Variants in ARHGAP18 observed in about 807,000 individuals in gnomAD.
ARHGAP18 encodes the protein Rho GTPase activating protein 18.
In ARHGAP18, 67 loss-of-function variants were observed where a neutral mutation model predicts 86.2. The observed-to-expected ratio is 0.78, with a 90% confidence interval of 0.64 to 0.95. The LOEUF (loss-of-function observed/expected upper bound fraction) is 0.95, where lower values mean the gene tolerates loss of function less well. Among genes scored for constraint, ARHGAP18 ranks in the 40% least tolerant of loss-of-function variants. ARHGAP18 has a pLI of 0.00. For synonymous variants in ARHGAP18, 283 were observed against 280.4 expected, an observed-to-expected ratio of 1.01 and a Z score of -0.09; for missense variants, 691 against 780.4, an observed-to-expected ratio of 0.89 and a Z score of 1.37.
At chr6:129,646,037 C>A (rs1773571575) in intron 1 of ARHGAP18, among the ~76,000 whole-genome samples, 1 of 152,148 alleles carries the variant, frequency 6.6e-6, no homozygotes, top group African/African-American at 2.4e-5. Flanking sequence ...AAATATTAAA[C>A]TGGTCTGACA....
At chr6:129,679,956 G>A (rs1157254384) in intron 1 of ARHGAP18, among the ~76,000 whole-genome samples, 1 of 152,182 alleles carries the variant, frequency 6.6e-6, no homozygotes, top group Non-Finnish European at 1.5e-5. Context: ...GGCAGTACCA[G>A]CATTTCCTTG....
intron 1 of ARHGAP18, among the ~76,000 whole-genome samples, chr6:129,697,851 T>C (rs1442726402): frequency 1.3e-5 from 2 of 152,176 alleles, no homozygotes; most frequent in Non-Finnish European, 2.9e-5. Flanking sequence ...AAATATTCCA[T>C]CAGATGATAT....
At chr6:129,683,094 C>T (rs1376185434) in intron 1 of ARHGAP18, among the ~76,000 whole-genome samples, 3 of 142,496 alleles carry the variant, frequency 2.1e-5, no homozygotes, top group South Asian at 2.2e-4. Context: ...TTTTTTGAGA[C>T]GGAGTCTCGC....
In ARHGAP18 at chr6:129,638,632, A is replaced by G; in HGVS notation, c.317-3T>C. 1 of 1,609,810 alleles carries G rather than the reference A, an allele frequency of 6.2e-7. No homozygotes were observed. The highest frequency in any genetic ancestry group is 1.7e-4 in the Middle Eastern group (1 of 6,048). ...CCACTCTTCTTCCAATTCTCCCTCTAAGACAGTAGAGAAAAGTGGTACTTA... is the reference window on the plus strand; with the variant it reads ...CCACTCTTCTTCCAATTCTCCCTCTGAGACAGTAGAGAAAAGTGGTACTTA... On this transcript the variant is annotated splice_region_variant and splice_polypyrimidine_tract_variant and intron_variant, in intron 2 of 14. Coordinates refer to ENST00000368149, the MANE Select transcript of ARHGAP18 (RefSeq NM_033515.3).
chr6:129,678,693 G>T (rs899857685), intron 1 of ARHGAP18, among the ~76,000 whole-genome samples: 8 of 152,134 alleles, frequency 5.3e-5, no homozygotes, highest in Non-Finnish European at 1.2e-4. Flanking sequence ...CAGGGATTGA[G>T]ATTAATTTAT....
intron 12 of ARHGAP18, among the ~76,000 whole-genome samples, chr6:129,593,435 T>G (rs1788557405): frequency 1.3e-5 from 2 of 152,186 alleles, no homozygotes; most frequent in Non-Finnish European, 2.9e-5. Context: ...CACTTCAGCC[T>G]GGGTGAAAAA....
chr6:129,679,527 A>G (rs1360601790), intron 1 of ARHGAP18, among the ~76,000 whole-genome samples: 2 of 152,204 alleles, frequency 1.3e-5, no homozygotes, highest in African/African-American at 4.8e-5. Context: ...ACGATCCCAG[A>G]TTTATAGTTA....
At chr6:129,626,332 G>T (rs997118878) in intron 5 of ARHGAP18, among the ~76,000 whole-genome samples, 1 of 151,784 alleles carries the variant, frequency 6.6e-6, no homozygotes, top group African/African-American at 2.4e-5. Flanking sequence ...TTACCTAGGA[G>T]CAGAAGGATA....
At chr6:129,601,598 C>T (rs80342725) in intron 10 of ARHGAP18, among the ~76,000 whole-genome samples, 2,113 of 149,472 alleles carry the variant, frequency 0.014, 47 homozygotes, top group African/African-American at 0.05. Flanking sequence ...ATAGAGAAAG[C>T]GGGGAAATGA....
intron 4 of ARHGAP18, among the ~76,000 whole-genome samples, chr6:129,632,919 C>A (rs1773249672): frequency 6.6e-6 from 1 of 152,058 alleles, no homozygotes; most frequent in African/African-American, 2.4e-5. Flanking sequence ...ACTACTACTT[C>A]CAAACCAAAT....
intron 4 of ARHGAP18, among the ~76,000 whole-genome samples, chr6:129,633,212 G>C (rs1456300537): frequency 6.6e-6 from 1 of 150,714 alleles, no homozygotes; most frequent in Non-Finnish European, 1.5e-5. Flanking sequence ...CAGATCATTT[G>C]AGGTCAGGAG....
intron 1 of ARHGAP18, among the ~76,000 whole-genome samples, chr6:129,696,910 T>G (rs116309916): frequency 0.014 from 2,169 of 152,232 alleles, 44 homozygotes; most frequent in African/African-American, 0.049. Context: ...CTCCTTCCCC[T>G]CCCTCTGTGT....
chr6:129,708,447 A>G (rs1199837941), intron 1 of ARHGAP18, among the ~76,000 whole-genome samples: 1 of 152,154 alleles, frequency 6.6e-6, no homozygotes. Context: ...AGTATGGGCC[A>G]CCCACACTGC....
intron 2 of ARHGAP18, among the ~76,000 whole-genome samples, chr6:129,640,595 A>C (rs1412885561): frequency 1.3e-5 from 2 of 152,246 alleles, no homozygotes; most frequent in African/African-American, 2.4e-5. Context: ...AAATTAAATT[A>C]AGAAAAAACC....
At chr6:129,586,735 G>C (rs1425842574) in intron 12 of ARHGAP18, among the ~76,000 whole-genome samples, 1 of 152,160 alleles carries the variant, frequency 6.6e-6, no homozygotes, top group Non-Finnish European at 1.5e-5. Context: ...AAAGAGTTCA[G>C]GGATATGGCA....
chr6:129,629,850 T>C (rs780932235), intron 4 of ARHGAP18, among the ~76,000 whole-genome samples: 13 of 152,090 alleles, frequency 8.5e-5, no homozygotes, highest in Non-Finnish European at 1.5e-4. Context: ...GAAGTATTAA[T>C]TGTTGTTTTA....
chr6:129,619,621 G>C (rs544231860), intron 5 of ARHGAP18, among the ~76,000 whole-genome samples: 1 of 128,640 alleles, frequency 7.8e-6, no homozygotes, highest in Admixed American at 7.7e-5. Flanking sequence ...ATGAAGGGGA[G>C]GGGACGGGAA....
At chr6:129,677,479 T>C (rs540022273) in intron 1 of ARHGAP18, among the ~76,000 whole-genome samples, 2 of 152,316 alleles carry the variant, frequency 1.3e-5, no homozygotes, top group East Asian at 1.9e-4. Flanking sequence ...TAACTTATGG[T>C]TATGGGTAGC....
chr6:129,603,339 C>T (rs1043124835), intron 10 of ARHGAP18, among the ~76,000 whole-genome samples: 4 of 152,070 alleles, frequency 2.6e-5, no homozygotes, highest in African/African-American at 9.7e-5. Flanking sequence ...TGTCTTATGG[C>T]TGAGTAGTAT....
Sources: allele counts gnomAD v4.1 joint callset (sites outside exome capture counted in the v4.1 genomes callset), GRCh38; gene constraint gnomAD v4.1.1; transcripts MANE v1.5; gene names NCBI Gene and HGNC (gene_info 2026-07-23, HGNC 2026-07-21).